Variants in UFSP2 observed in about 807,000 individuals in gnomAD.
UFSP2 encodes the protein UFM1 specific peptidase 2.
UFSP2 carries 43 observed loss-of-function variants against 60.2 expected under a neutral mutation model. The ratio of observed to expected loss-of-function variants is 0.71; its 90% CI spans 0.56 to 0.92. UFSP2 has a LOEUF of 0.92. Ranked by LOEUF, UFSP2 falls within the 40% of genes least tolerant of loss-of-function variation. UFSP2 has a pLI of 0.00. For synonymous variants in UFSP2, 183 were observed against 195.1 expected, an observed-to-expected ratio of 0.94 and a Z score of 0.52; for missense variants, 520 against 575.0, an observed-to-expected ratio of 0.90 and a Z score of 0.98.
rs973948112 is a variant in UFSP2, at chr4:185,404,533, G to A, written c.1199-915C>T. 3.3e-5 allele frequency among the ~76,000 whole-genome samples: 5 copies of A among 151,732 alleles called. 1 individual carries two copies. The highest frequency in any genetic ancestry group is 4.2e-4 in the South Asian group (2 of 4,812). On this transcript the variant is annotated intron_variant, in intron 10 of 11. Transcript: ENST00000264689. ...AGGATGGTCTCGATCTCCTGACCTC[G>A]TGATCGACCCACCTTGGCCTCCCAA... is the stretch of plus-strand genomic sequence containing the variant.
chr4:185,420,928 T>G (rs566880798), intron 2 of UFSP2, among the ~76,000 whole-genome samples: 30 of 152,332 alleles, frequency 2.0e-4, no homozygotes, highest in African/African-American at 7.0e-4. Flanking sequence ...GATTAATGGA[T>G]TAATTCTACT....
chr4:185,406,377 T>G (rs1254670460), intron 9 of UFSP2, among the ~76,000 whole-genome samples: 8 of 152,196 alleles, frequency 5.3e-5, no homozygotes, highest in Non-Finnish European at 1.2e-4. Context: ...AAGTGCAACA[T>G]ACTATTTTTA....
chr4:185,403,983 A>AAC (rs2095516628), intron 10 of UFSP2, among the ~76,000 whole-genome samples: 1 of 150,974 alleles, frequency 6.6e-6, no homozygotes, highest in Non-Finnish European at 1.5e-5. Context: ...AAAAACAAAA[A>AAC]AAAACAACAT....
intron 10 of UFSP2, 99 bp downstream of exon 10, chr4:185,405,681 T>G (rs908583002): frequency 5.8e-6 from 8 of 1,385,064 alleles, no homozygotes; most frequent in Admixed American, 2.2e-5. Flanking sequence ...ATTTCAAAAT[T>G]TTTTAAATGA....
At position 185,415,223 on chromosome 4, in the gene UFSP2, T is replaced by C. The variant is rs780826514; in HGVS notation, c.616A>G (p.Lys206Glu). 2.0e-5 allele frequency: 32 copies of C among 1,607,442 alleles called. No homozygotes were observed. The highest frequency in any genetic ancestry group is 4.0e-5 in the African/African-American group (3 of 74,592). ...TATGAAATTGTTACAAGATTTTTTT[T>C]CCCTGGTAATAAAAAGTGCAGTGGT... ...PEPLHFLLPG[K>E]KNLVTISYPS... Residue 206 changes from lysine (K) to glutamate (E), a missense_variant, in exon 6 of 12, where the codon AAA (lysine) becomes GAA (glutamate). Lys to Glu is a moderately conservative substitution (Grantham distance 56). Transcript: ENST00000264689.
intron 11 of UFSP2, chr4:185,402,119 C>CG (rs2095513991): frequency 3.6e-6 from 1 of 279,508 alleles, no homozygotes; most frequent in African/African-American, 2.2e-5. Context: ...TTTTTTTTCT[C>CG]GAGAGTCCTT....
chr4:185,402,767 C>T (rs909064836), intron 11 of UFSP2, among the ~76,000 whole-genome samples: 3 of 152,190 alleles, frequency 2.0e-5, no homozygotes, highest in Non-Finnish European at 4.4e-5. Flanking sequence ...TGAGCCACCA[C>T]GCCTGGCTTA....
intron 1 of UFSP2, among the ~76,000 whole-genome samples, chr4:185,425,212 T>A (rs1459169323): frequency 6.6e-6 from 1 of 152,094 alleles, no homozygotes; most frequent in Non-Finnish European, 1.5e-5. Flanking sequence ...CACAACAGGA[T>A]GTATGGTGGT....
chr4:185,419,314 T>G (rs1296841519), intron 2 of UFSP2, among the ~76,000 whole-genome samples: 1 of 152,158 alleles, frequency 6.6e-6, no homozygotes, highest in Non-Finnish European at 1.5e-5. Context: ...GTATTTTTAG[T>G]AGAGACGGGG....
chr4:185,420,330 ACATT>A (rs1309425527), intron 2 of UFSP2, among the ~76,000 whole-genome samples: 1 of 152,212 alleles, frequency 6.6e-6, no homozygotes. Flanking sequence ...AATATTTGAC[ACATT>A]CAATTTGGAA....
Position 185,407,937 on chromosome 4 carries a change from T to C in UFSP2, c.1120A>G (p.Ser374Gly). 6.2e-7 allele frequency: 1 copy of C among 1,613,538 alleles called. No homozygotes were observed. The highest frequency in any genetic ancestry group is 1.1e-5 in the South Asian group (1 of 90,786). The change falls in exon 9 of 12, where the codon AGC becomes GGC. Residue 374 changes from serine to glycine, a missense_variant and splice_region_variant. By Grantham distance (56) the Ser-to-Gly change is moderately conservative. Transcript: ENST00000264689. ...TCTAATTTCTTAAAGTGTGCTTACC[T>C]GACAAACAGGATTTTTGACGTTATA... ...IGITSKILFV[S>G]QGSEIASQGR...
At chr4:185,417,995 G>A (rs531365606) in intron 4 of UFSP2, among the ~76,000 whole-genome samples, 64 of 149,574 alleles carry the variant, frequency 4.3e-4, no homozygotes, top group Admixed American at 4.2e-3. Context: ...AGTGAGCCGA[G>A]ATCGTGCCAC....
In UFSP2 at chr4:185,405,769, A is replaced by C. The variant is rs367669124; in HGVS notation, c.1198+11T>G. The C allele has an allele frequency of 6.2e-6, 10 of 1,613,700 alleles. No individual in the cohort carries two copies. In the African/African-American group the frequency reaches 1.2e-4, roughly 19 times the overall value. The stretch of plus-strand genomic sequence containing the variant: ...CTCACTCTACCAAAAACAGTGTCTG[A>C]AACAGCTTACCGATCATAACTGGAG... On this transcript the variant is annotated intron_variant, in intron 10 of 11. Coordinates refer to ENST00000264689, the MANE Select transcript of UFSP2 (RefSeq NM_018359.5).
chr4:185,408,865 C>T (rs145841495), intron 7 of UFSP2, among the ~76,000 whole-genome samples: 94 of 152,290 alleles, frequency 6.2e-4, no homozygotes, highest in Non-Finnish European at 1.0e-3. Context: ...AGTCTACAAA[C>T]GGCCCACTCA....
At chr4:185,424,595 C>T (rs1283115049) in intron 1 of UFSP2, among the ~76,000 whole-genome samples, 2 of 152,212 alleles carry the variant, frequency 1.3e-5, no homozygotes, top group East Asian at 1.9e-4. Flanking sequence ...TTTATTCTAC[C>T]GTTGTTCATC....
rs1176611814 is a variant in UFSP2, at chr4:185,415,215, A to G, written c.624T>C (p.Asn208=). 6.2e-7 allele frequency: 1 copy of G among 1,607,080 alleles called. No homozygotes were observed. The highest frequency in any genetic ancestry group is 8.5e-7 in the Non-Finnish European group (1 of 1,178,652). The change falls in exon 6 of 12, where the codon AAT becomes AAC. Residue 208 remains asparagine, a synonymous_variant. Coordinates refer to ENST00000264689, the MANE Select transcript of UFSP2 (RefSeq NM_018359.5). Reference sequence around the variant, plus strand: ...CTGAAGGATATGAAATTGTTACAAGATTTTTTTTCCCTGGTAATAAAAAGT... The same window carrying G: ...CTGAAGGATATGAAATTGTTACAAGGTTTTTTTTCCCTGGTAATAAAAAGT... ...PLHFLLPGKK[N]LVTISYPSGI...
At chr4:185,415,379 A>G in intron 5 of UFSP2, 32 bp from the exon 6 acceptor site, 2 of 1,508,466 alleles carry the variant, frequency 1.3e-6, no homozygotes, top group Non-Finnish European at 1.8e-6. Flanking sequence ...TGTATTAACA[A>G]AAGTTATAGT....
intron 11 of UFSP2, chr4:185,402,484 CTT>C (rs934657819): frequency 1.4e-5 from 4 of 287,198 alleles, no homozygotes; most frequent in South Asian, 9.3e-5. Flanking sequence ...ACATTAAAAA[CTT>C]TTTTTTGAGC....
intron 1 of UFSP2, among the ~76,000 whole-genome samples, chr4:185,425,498 C>G (rs1168582161): frequency 6.6e-6 from 1 of 152,126 alleles, no homozygotes; most frequent in East Asian, 1.9e-4. Context: ...GGAGAGAAAC[C>G]AGGGGAGGGA....
Sources: gnomAD v4.1 joint callset for allele counts (sites outside exome capture counted in the v4.1 genomes callset) on GRCh38, gnomAD v4.1.1 for gene constraint, MANE v1.5 for transcripts, NCBI Gene and HGNC (gene_info 2026-07-23, HGNC 2026-07-21) for gene names.